ROBO1: variants seen among roughly 807,000 people sequenced by gnomAD.
ROBO1 encodes roundabout guidance receptor 1, also known as roundabout homolog 1.
ROBO1 carries 149 observed loss-of-function variants against 195.9 expected under a neutral mutation model. The observed-to-expected ratio is 0.76, with a 90% CI of 0.67 to 0.87. The LOEUF (loss-of-function observed/expected upper bound fraction) is 0.87, where lower values mean the gene tolerates loss of function less well. Among genes scored for constraint, ROBO1 ranks in the 40% least tolerant of loss-of-function variants. The pLI, the probability that ROBO1 is intolerant of heterozygous loss-of-function variation, is 0.00. For synonymous variants in ROBO1, 816 were observed against 733.2 expected (o/e 1.11, Z -1.82); for missense variants, 1,933 against 2,068.3 (o/e 0.93, Z 1.27).
At chr3:79,734,750 G>A (rs1377262985) in intron 1 of ROBO1, among the ~76,000 whole-genome samples, 1 of 150,684 alleles carries the variant, frequency 6.6e-6, no homozygotes, top group Non-Finnish European at 1.5e-5. Context: ...GAGTGGGAGC[G>A]TCAAACTCCG....
At chr3:78,846,796 G>C (rs1244908133) in intron 4 of ROBO1, among the ~76,000 whole-genome samples, 2 of 152,090 alleles carry the variant, frequency 1.3e-5, no homozygotes, top group Non-Finnish European at 2.9e-5. Context: ...TATATAAGTG[G>C]TGTACTTTTA....
intron 2 of ROBO1, among the ~76,000 whole-genome samples, chr3:79,303,781 T>C (rs2033093096): frequency 6.6e-6 from 1 of 152,132 alleles, no homozygotes; most frequent in African/African-American, 2.4e-5. Flanking sequence ...CTCAAATACC[T>C]GCCAACCATC....
intron 4 of ROBO1, among the ~76,000 whole-genome samples, chr3:78,931,616 T>C (rs1030165508): frequency 6.6e-6 from 1 of 152,152 alleles, no homozygotes; most frequent in African/African-American, 2.4e-5. Flanking sequence ...CAAGGGTATT[T>C]AACCATGTTT....
chr3:79,503,060 A>G (rs1208380797), intron 2 of ROBO1, among the ~76,000 whole-genome samples: 2 of 152,186 alleles, frequency 1.3e-5, no homozygotes, highest in South Asian at 2.1e-4. Flanking sequence ...CTCTTTCCAC[A>G]CTGTGAAAGC....
intron 2 of ROBO1, among the ~76,000 whole-genome samples, chr3:79,457,381 CTGTGTGTG>C (rs149896280): frequency 6.6e-6 from 1 of 150,972 alleles, no homozygotes; most frequent in East Asian, 1.9e-4. Flanking sequence ...GAATGAAACA[CTGTGTGTG>C]TGTGTGCGTG....
intron 4 of ROBO1, among the ~76,000 whole-genome samples, chr3:78,935,604 G>A (rs2039762305): frequency 6.6e-6 from 1 of 151,946 alleles, no homozygotes; most frequent in South Asian, 2.1e-4. Flanking sequence ...AAATAGAGCT[G>A]ATCCAAAACA....
At chr3:79,708,708 A>G (rs1386827196) in intron 1 of ROBO1, among the ~76,000 whole-genome samples, 1 of 152,168 alleles carries the variant, frequency 6.6e-6, no homozygotes, top group Non-Finnish European at 1.5e-5. Flanking sequence ...ACAAAATATT[A>G]AAAAGAATTA....
intron 3 of ROBO1, among the ~76,000 whole-genome samples, chr3:79,059,086 G>A (rs187856470): frequency 6.4e-4 from 97 of 152,210 alleles, no homozygotes; most frequent in African/African-American, 2.2e-3. Flanking sequence ...CGGGTAGTGA[G>A]TCTCGAATAT....
chr3:78,885,456 A>G (rs2107309580), intron 4 of ROBO1, among the ~76,000 whole-genome samples: 1 of 151,316 alleles, frequency 6.6e-6, no homozygotes, highest in South Asian at 2.1e-4. Context: ...AGAGTTCTCA[A>G]AAATATTTCT....
At chr3:78,999,250 T>C (rs1384418710) in intron 3 of ROBO1, among the ~76,000 whole-genome samples, 3 of 152,002 alleles carry the variant, frequency 2.0e-5, no homozygotes, top group Non-Finnish European at 4.4e-5. Context: ...AAAAGATAAA[T>C]ACACTTGCAT....
chr3:79,661,846 G>A (rs2106833373), intron 1 of ROBO1, among the ~76,000 whole-genome samples: 1 of 152,112 alleles, frequency 6.6e-6, no homozygotes, highest in Non-Finnish European at 1.5e-5. Flanking sequence ...TAACAGCAGG[G>A]AATGTAGCAA....
rs769420693 is a variant in ROBO1 at position 78,661,110 on chromosome 3, T to C, written c.2240A>G (p.Tyr747Cys). The C allele has an allele frequency of 1.2e-6, 2 of 1,613,844 alleles. No individual in the cohort carries two copies. The highest frequency in any genetic ancestry group is 1.7e-6 in the Non-Finnish European group (2 of 1,179,814). ...VIPDLRKGVN[Y>C]EIKARPFFNE... ...AAAAAAAGGGCGAGCCTTAATTTCA[T>C]AGTTGACTCCCTTTCTGAGATCAGG... Residue 747 changes from tyrosine (Y) to cysteine (C), a missense_variant, in exon 16 of 31, where the codon TAT (tyrosine) becomes TGT (cysteine). Physicochemically the swap from Tyr to Cys is radical, Grantham distance 194. Coordinates refer to ENST00000464233, the MANE Select transcript of ROBO1 (RefSeq NM_002941.4).
Position 79,370,650 on chromosome 3 carries a change from A to T in ROBO1, c.88+219174T>A, listed in dbSNP as rs141533343. Among the ~76,000 whole-genome samples, 834 of 151,042 alleles carry T rather than the reference A, an allele frequency of 5.5e-3. 8 individuals are homozygous for T. Among genetic ancestry groups the T allele is most frequent in the East Asian group, 0.034 (177 of 5,138 alleles). ...ATGATGTAAGTTATATATATATATA[A>T]AAATGTTATCTATAATAATGTATTA... On this transcript the variant is annotated intron_variant, in intron 2 of 30. Coordinates refer to ENST00000464233, the MANE Select transcript of ROBO1 (RefSeq NM_002941.4).
At chr3:79,765,502 T>C (rs1704936810) in intron 1 of ROBO1, among the ~76,000 whole-genome samples, 1 of 152,158 alleles carries the variant, frequency 6.6e-6, no homozygotes, top group East Asian at 1.9e-4. Flanking sequence ...CCTTTGAAAG[T>C]TACCAGTGCC....
chr3:79,105,997 G>T (rs1342313428), intron 3 of ROBO1, among the ~76,000 whole-genome samples: 1 of 151,698 alleles, frequency 6.6e-6, no homozygotes, highest in South Asian at 2.1e-4. Flanking sequence ...GTAAGGTAAT[G>T]TATATATTGA....
At chr3:79,436,746 A>T (rs1575823831) in intron 2 of ROBO1, among the ~76,000 whole-genome samples, 2 of 152,070 alleles carry the variant, frequency 1.3e-5, no homozygotes, top group East Asian at 3.9e-4. Context: ...TCATGTTCTT[A>T]ATTTTGATCA....
intron 8 of ROBO1, among the ~76,000 whole-genome samples, chr3:78,711,359 CTTCCTTCCTTCCTTCCTTCCTTCCT>C (rs1559772905): frequency 5.1e-5 from 2 of 39,480 alleles, no homozygotes; most frequent in African/African-American, 3.3e-4. Flanking sequence ...TCCTTCCTTC[CTTCCTTCCTTCCTTCCTTCCTTCCT>C]TCCTTCCTTC....
At chr3:79,378,014 C>T (rs2036442770) in intron 2 of ROBO1, among the ~76,000 whole-genome samples, 2 of 152,114 alleles carry the variant, frequency 1.3e-5, no homozygotes, top group Admixed American at 1.3e-4. Context: ...CCTCAACACC[C>T]TGCCAACCTC....
At chr3:78,666,939 G>C (rs947682644) in intron 14 of ROBO1, among the ~76,000 whole-genome samples, 2 of 151,664 alleles carry the variant, frequency 1.3e-5, no homozygotes, top group Non-Finnish European at 2.9e-5. Flanking sequence ...TCTGTATGTT[G>C]AGAAAATAAT....
Sources: gnomAD v4.1 joint callset for allele counts (sites outside exome capture counted in the v4.1 genomes callset) on GRCh38, gnomAD v4.1.1 for gene constraint, MANE v1.5 for transcripts, NCBI Gene and HGNC (gene_info 2026-07-23, HGNC 2026-07-21) for gene names.